Variants in BMX observed in about 807,000 individuals in gnomAD.
BMX encodes cytoplasmic tyrosine-protein kinase BMX.
In BMX, 31 loss-of-function variants were observed where a neutral mutation model predicts 59.2. The observed-to-expected ratio is 0.52, with a 90% CI of 0.39 to 0.71. BMX has a LOEUF of 0.71. BMX is among the 30% of genes least tolerant of loss of function. The pLI, the probability that BMX is intolerant of heterozygous loss-of-function variation, is 0.00. For synonymous variants in BMX, 185 were observed against 181.0 expected (o/e 1.02, Z -0.18); for missense variants, 474 against 491.7 (o/e 0.96, Z 0.34).
intron 12 of BMX, among the ~76,000 whole-genome samples, chrX:15,536,003 T>C (rs1013568569): frequency 1.8e-5 from 2 of 112,116 alleles, no homozygotes; most frequent in Non-Finnish European, 3.8e-5. Context: ...ATTGTTTGAA[T>C]TTTTTGTCAA....
intron 9 of BMX, among the ~76,000 whole-genome samples, chrX:15,527,300 A>AAG (rs1325431488): frequency 1.1e-5 from 1 of 94,613 alleles, no homozygotes; most frequent in Non-Finnish European, 2.1e-5. Context: ...ACACACACAC[A>AAG]CATATATATA....
rs1469574239 is a variant in BMX at position 15,530,111 on chromosome X, C to T, written c.939+84C>T. 3.2e-6 allele frequency: 3 copies of T among 925,587 alleles called. No individual in the cohort carries two copies. The African/African-American group carries it at 5.8e-5, about 18-fold the overall frequency. 76.3% of individuals were successfully genotyped at this position (925,587 alleles called of 1,213,427 possible). ...AGGTTGATGCATTTCTCATAGAAAC[C>T]TTCCTGCTAATTATATAGTCAAGTC... On this transcript the variant is annotated intron_variant, in intron 10 of 18. Transcript: ENST00000348343.
At chrX:15,535,430 C>G (rs1354876230) in intron 12 of BMX, among the ~76,000 whole-genome samples, 1 of 111,597 alleles carries the variant, frequency 9.0e-6, no homozygotes, top group Non-Finnish European at 1.9e-5. Context: ...GCCCCAATTT[C>G]CTCAATTGTT....
intron 6 of BMX, among the ~76,000 whole-genome samples, chrX:15,519,478 G>T (rs1211504960): frequency 9.0e-6 from 1 of 111,025 alleles, no homozygotes; most frequent in Admixed American, 9.6e-5. Flanking sequence ...GATGAGAGTG[G>T]GCCATAAATC....
At chrX:15,528,671 C>CA (rs200740549) in intron 9 of BMX, among the ~76,000 whole-genome samples, 6,392 of 108,853 alleles carry the variant, frequency 0.059, 481 homozygotes, top group African/African-American at 0.2. Flanking sequence ...ACAAAACAAA[C>CA]AAAAAAAAAC....
intron 9 of BMX, among the ~76,000 whole-genome samples, chrX:15,526,867 T>G (rs1196277970): frequency 9.0e-6 from 1 of 111,020 alleles, no homozygotes; most frequent in Non-Finnish European, 1.9e-5. Context: ...ATTACAGGCG[T>G]GAGCCACCTC....
chrX:15,550,046 G>C lies in BMX; in HGVS notation c.1953+49G>C, dbSNP rs567924003. ...TGGAAGGGGTCTCAGGCACATCCGG[G>C]GTGATTACTGCATCACCACTGGGAC... On this transcript the variant is annotated intron_variant, in intron 18 of 18. Coordinates refer to ENST00000348343, the MANE Select transcript of BMX (RefSeq NM_203281.3). The C allele has an allele frequency of 3.5e-6, 4 of 1,150,541 alleles. No homozygotes were observed. The African/African-American group carries it at 7.2e-5, about 21-fold the overall frequency. The allele number at this position is 1,150,541 out of a possible 1,213,427, so 94.8% of individuals were successfully genotyped here. A position where few individuals can be genotyped will look rare whatever the true frequency, so the allele number is the denominator to read the frequency against.
At chrX:15,503,322 G>A (rs961484022) in intron 1 of BMX, among the ~76,000 whole-genome samples, 4 of 112,364 alleles carry the variant, frequency 3.6e-5, no homozygotes, top group Non-Finnish European at 7.5e-5. Context: ...GATTCCTATC[G>A]AAAGATTATA....
chrX:15,536,317 T>C (rs371645181), intron 12 of BMX, 36 bp from the exon 13 acceptor site: 6 of 1,180,340 alleles, frequency 5.1e-6, no homozygotes, highest in Admixed American at 4.4e-5. Flanking sequence ...GGATATGATA[T>C]AATGATGTGA....
Position 15,516,114 on chromosome X carries a change from A to G in BMX, c.328A>G (p.Ile110Val), listed in dbSNP as rs765493116. The change falls in exon 5 of 19, where the codon ATA (isoleucine) becomes GTA (valine). Residue 110 changes from isoleucine to valine, a missense_variant and splice_region_variant. Coordinates refer to ENST00000348343, the MANE Select transcript of BMX (RefSeq NM_203281.3). Reference sequence around the variant, plus strand: ...TTTTCTTCCTGTCTGCTCCTCAGAGATAAGGGGTAACCCCCACCTGCTGGT... The same window carrying G: ...TTTTCTTCCTGTCTGCTCCTCAGAGGTAAGGGGTAACCCCCACCTGCTGGT... The part of the protein sequence containing the change: ...SQWLKALQKE[I>V]RGNPHLLVKY... 1.7e-6 allele frequency: 2 copies of G among 1,208,685 alleles called. No individual in the cohort carries two copies. Among genetic ancestry groups the G allele is most frequent in the Non-Finnish European group, 2.2e-6 (2 of 894,016 alleles).
chrX:15,530,148 G>A (rs1425503849), intron 10 of BMX, 121 bp downstream of exon 10: 1 of 676,165 alleles, frequency 1.5e-6, no homozygotes, highest in African/African-American at 2.2e-5. Context: ...TTGTAGTGTT[G>A]CTTGTCCAGT....
chrX:15,533,381 T>C (rs865901973), intron 11 of BMX, among the ~76,000 whole-genome samples: 1 of 111,815 alleles, frequency 8.9e-6, no homozygotes, highest in Middle Eastern at 4.6e-3. Context: ...GTGTCTACTA[T>C]TTTCCTCTAT....
In BMX at chrX:15,515,470, G is replaced by A. The variant is rs778289586; in HGVS notation, c.326-642G>A. 2.7e-5 allele frequency among the ~76,000 whole-genome samples: 3 copies of A among 110,472 alleles called. No homozygotes were observed. In the Admixed American group the frequency reaches 2.9e-4, roughly 11 times the overall value. ...AGCATTTATGGATGACATTATTTAG[G>A]TCATACCATCTACTACTTCCTCATA... On this transcript the variant is annotated intron_variant, in intron 4 of 18. Coordinates refer to ENST00000348343, the MANE Select transcript of BMX (RefSeq NM_203281.3).
chrX:15,550,402 G>C (rs530634566), intron 18 of BMX, among the ~76,000 whole-genome samples: 1 of 110,359 alleles, frequency 9.1e-6, no homozygotes, highest in South Asian at 3.9e-4. Context: ...GGAGCTCCTC[G>C]AGTAGAAAAT....
intron 5 of BMX, among the ~76,000 whole-genome samples, chrX:15,517,084 A>C: frequency 9.0e-6 from 1 of 111,672 alleles, no homozygotes; most frequent in East Asian, 2.8e-4. Context: ...AATTCACTTC[A>C]TGACAGTATT....
intron 7 of BMX, 132 bp downstream of exon 7, chrX:15,522,719 C>T (rs1013017003): frequency 5.3e-5 from 52 of 978,889 alleles, no homozygotes; most frequent in Non-Finnish European, 6.6e-5. Flanking sequence ...GTGCTTGAGC[C>T]AGAAGTCTGG....
At chrX:15,552,996 C>A in intron 18 of BMX, among the ~76,000 whole-genome samples, 1 of 112,168 alleles carries the variant, frequency 8.9e-6, no homozygotes, top group Non-Finnish European at 1.9e-5. Context: ...TTAAACATTT[C>A]CGTATTCAGA....
At chrX:15,542,958 G>A in intron 15 of BMX, 113 bp from the exon 16 acceptor site, 1 of 680,202 alleles carries the variant, frequency 1.5e-6, no homozygotes. Context: ...AGAGCACTTG[G>A]GGGTTGTGCT....
At chrX:15,530,983 A>G (rs952166316) in intron 10 of BMX, among the ~76,000 whole-genome samples, 2 of 111,777 alleles carry the variant, frequency 1.8e-5, no homozygotes, top group Non-Finnish European at 3.8e-5. Flanking sequence ...AACTTTATCA[A>G]CTGATTTATT....
Sources: allele counts gnomAD v4.1 joint callset (sites outside exome capture counted in the v4.1 genomes callset), GRCh38; gene constraint gnomAD v4.1.1; transcripts MANE v1.5; gene names NCBI Gene and HGNC (gene_info 2026-07-23, HGNC 2026-07-21).